Variants in DCLK2 observed in about 807,000 individuals in gnomAD.
DCLK2 encodes serine/threonine-protein kinase DCLK2.
DCLK2 carries 31 observed loss-of-function variants against 78.4 expected under a neutral mutation model. The ratio of observed to expected loss-of-function variants is 0.40; its 90% CI spans 0.30 to 0.53. DCLK2 has a LOEUF of 0.53. Ranked by LOEUF, DCLK2 falls within the 20% of genes least tolerant of loss-of-function variation. DCLK2 has a pLI of 0.61. For missense variants in DCLK2, 872 were observed against 973.7 expected, an observed-to-expected ratio of 0.90 and a Z score of 1.39; for synonymous variants, 407 against 374.9, an observed-to-expected ratio of 1.09 and a Z score of -0.99.
rs777652680 is a variant in DCLK2, at chr4:150,256,149, G to A, written c.2203G>A (p.Val735Ile). 101 of 1,603,192 alleles carry A rather than the reference G, an allele frequency of 6.3e-5. No homozygotes were observed. The highest frequency in any genetic ancestry group is 6.8e-5 in the Non-Finnish European group (80 of 1,176,264). Residue 735 changes from valine (V) to isoleucine (I), a missense_variant, in exon 16 of 16, where the codon GTC (valine) becomes ATC (isoleucine). By Grantham distance (29) the Val-to-Ile change is conservative. Coordinates refer to ENST00000296550, the MANE Select transcript of DCLK2 (RefSeq NM_001040260.4). ...VEEIPVPGEA[V>I]PAPTPPESPT... ...GGAGATCCCTGTGCCTGGGGAAGCA[G>A]TCCCGGCCCCCACCCCTCCGGAATC...
chr4:150,143,731 C>T (rs1734261996), intron 2 of DCLK2, among the ~76,000 whole-genome samples: 2 of 152,090 alleles, frequency 1.3e-5, no homozygotes, highest in South Asian at 4.1e-4. Flanking sequence ...TTTTGACTTT[C>T]TAATAGTAGC....
At chr4:150,234,767 AG>A in intron 10 of DCLK2, among the ~76,000 whole-genome samples, 1 of 146,868 alleles carries the variant, frequency 6.8e-6, no homozygotes, top group East Asian at 1.9e-4. Context: ...AAAAAAAAAA[AG>A]GGGGATTGTG....
At chr4:150,149,621 T>G (rs1185684152) in intron 2 of DCLK2, among the ~76,000 whole-genome samples, 1 of 152,240 alleles carries the variant, frequency 6.6e-6, no homozygotes, top group African/African-American at 2.4e-5. Context: ...CTTTTTTGCT[T>G]AACATTTTGT....
At chr4:150,111,910 G>A (rs1259694584) in intron 2 of DCLK2, among the ~76,000 whole-genome samples, 2 of 152,132 alleles carry the variant, frequency 1.3e-5, no homozygotes, top group Non-Finnish European at 2.9e-5. Context: ...GATGCCTCCA[G>A]ATTTGTTCTT....
At chr4:150,225,328 A>T (rs1379228457) in intron 8 of DCLK2, among the ~76,000 whole-genome samples, 3 of 152,342 alleles carry the variant, frequency 2.0e-5, no homozygotes, top group Admixed American at 1.3e-4. Flanking sequence ...CCTCAATAAG[A>T]TAAACTTTTT....
At chr4:150,169,750 C>T (rs1736375299) in intron 2 of DCLK2, among the ~76,000 whole-genome samples, 1 of 151,454 alleles carries the variant, frequency 6.6e-6, no homozygotes, top group Admixed American at 6.6e-5. Context: ...GGTACAGAAA[C>T]AGTTTTATTG....
chr4:150,127,846 A>G lies in DCLK2; in HGVS notation c.756+25034A>G, dbSNP rs552576156. 2.3e-4 allele frequency among the ~76,000 whole-genome samples: 35 copies of G among 152,272 alleles called. No homozygotes were observed. In the South Asian group the frequency reaches 7.3e-3, roughly 32 times the overall value. On this transcript the variant is annotated intron_variant, in intron 2 of 15. Coordinates refer to ENST00000296550, the MANE Select transcript of DCLK2 (RefSeq NM_001040260.4). ...TTGGTTGGTTATTGCCCAGTATAAG[A>G]GCATCATTATAGAACATTAGCCTCC...
At chr4:150,232,092 A>C (rs1482997183) in intron 8 of DCLK2, among the ~76,000 whole-genome samples, 1 of 152,200 alleles carries the variant, frequency 6.6e-6, no homozygotes. Context: ...TACACCACAG[A>C]AGCACCATGG....
At chr4:150,204,166 A>T (rs1739667338) in intron 5 of DCLK2, among the ~76,000 whole-genome samples, 1 of 152,210 alleles carries the variant, frequency 6.6e-6, no homozygotes, top group Non-Finnish European at 1.5e-5. Flanking sequence ...AAAGTATAAT[A>T]AATAGTAGTT....
intron 2 of DCLK2, among the ~76,000 whole-genome samples, chr4:150,150,896 G>A (rs1208617372): frequency 6.6e-6 from 1 of 152,192 alleles, no homozygotes; most frequent in Non-Finnish European, 1.5e-5. Flanking sequence ...TGAAAAGCCT[G>A]GACAGGCTCC....
At chr4:150,217,315 A>G (rs1209603948) in intron 5 of DCLK2, among the ~76,000 whole-genome samples, 2 of 152,344 alleles carry the variant, frequency 1.3e-5, no homozygotes, top group Non-Finnish European at 2.9e-5. Context: ...TATATTTAAC[A>G]ATAGATGCTT....
intron 2 of DCLK2, among the ~76,000 whole-genome samples, chr4:150,176,848 A>C (rs957692712): frequency 1.3e-5 from 2 of 152,224 alleles, no homozygotes; most frequent in Non-Finnish European, 2.9e-5. Flanking sequence ...TGGCTCCTCC[A>C]GCAAAGCATA....
chr4:150,142,172 T>G (rs1279088873), intron 2 of DCLK2, among the ~76,000 whole-genome samples: 1 of 152,226 alleles, frequency 6.6e-6, no homozygotes, highest in East Asian at 1.9e-4. Context: ...TGACAAATAT[T>G]CTTTTATGAA....
chr4:150,091,900 G>A (rs1730108125), intron 1 of DCLK2, among the ~76,000 whole-genome samples: 1 of 151,902 alleles, frequency 6.6e-6, no homozygotes, highest in Admixed American at 6.6e-5. Context: ...GTGTTGTACA[G>A]CCGATCTCCA....
At chr4:150,127,626 G>A (rs963796386) in intron 2 of DCLK2, among the ~76,000 whole-genome samples, 1 of 152,128 alleles carries the variant, frequency 6.6e-6, no homozygotes, top group Non-Finnish European at 1.5e-5. Context: ...AAATACAGTA[G>A]CAATTCTGTA....
At chr4:150,130,016 A>T (rs1733187500) in intron 2 of DCLK2, among the ~76,000 whole-genome samples, 2 of 152,132 alleles carry the variant, frequency 1.3e-5, no homozygotes, top group South Asian at 4.1e-4. Context: ...CTATATCTAG[A>T]GCAATTTAGC....
At chr4:150,203,930 A>G (rs548956739) in intron 5 of DCLK2, 41 bp downstream of exon 5, 4 of 1,553,096 alleles carry the variant, frequency 2.6e-6, no homozygotes, top group African/African-American at 2.7e-5. Context: ...TGATTTTGTT[A>G]TTTAGAGTTT....
chr4:150,095,876 A>T (rs1176597521), intron 1 of DCLK2, among the ~76,000 whole-genome samples: 1 of 152,196 alleles, frequency 6.6e-6, no homozygotes, highest in Admixed American at 6.5e-5. Context: ...AAGGAATGAG[A>T]ATAAAGAGGG....
At chr4:150,197,936 C>G (rs1739173739) in intron 3 of DCLK2, 66 bp from the exon 4 acceptor site, 2 of 1,293,662 alleles carry the variant, frequency 1.5e-6, no homozygotes, top group Non-Finnish European at 2.2e-6. Context: ...TAAACAATTA[C>G]ATGTAACTCT....
Sources: gnomAD v4.1 joint callset for allele counts (sites outside exome capture counted in the v4.1 genomes callset) on GRCh38, gnomAD v4.1.1 for gene constraint, MANE v1.5 for transcripts, NCBI Gene and HGNC (gene_info 2026-07-23, HGNC 2026-07-21) for gene names.